The following UTP4 variants were observed in gnomAD, a reference collection of about 807,000 sequenced individuals.
UTP4 encodes UTP4 small subunit processome component.
In UTP4, 45 loss-of-function variants were observed where a neutral mutation model predicts 82.4. That is an observed-to-expected ratio of 0.55 (90% confidence interval 0.43 to 0.70). UTP4 has a LOEUF of 0.70. Among genes scored for constraint, UTP4 ranks in the 30% least tolerant of loss-of-function variants. The pLI, the probability that UTP4 is intolerant of heterozygous loss-of-function variation, is 0.00. For synonymous variants in UTP4, 348 were observed against 300.3 expected, an observed-to-expected ratio of 1.16 and a Z score of -1.64; for missense variants, 819 against 858.3, an observed-to-expected ratio of 0.95 and a Z score of 0.57.
chr16:69,149,505 C>T (rs895044474), intron 6 of UTP4, among the ~76,000 whole-genome samples: 1 of 151,958 alleles, frequency 6.6e-6, no homozygotes, highest in African/African-American at 2.4e-5. Flanking sequence ...GAGCCGAGAT[C>T]ATGCCACTGC....
intron 5 of UTP4, among the ~76,000 whole-genome samples, chr16:69,140,914 A>T (rs1962942718): frequency 6.6e-6 from 1 of 152,098 alleles, no homozygotes; most frequent in Non-Finnish European, 1.5e-5. Context: ...CTTCCTCCCG[A>T]TCCTCCCAGT....
At position 69,150,834 on chromosome 16, in the gene UTP4, T is replaced by C. The variant is rs1013601476; in HGVS notation, c.932T>C (p.Phe311Ser). The C allele has an allele frequency of 2.5e-6, 4 of 1,614,020 alleles. No individual in the cohort carries two copies. The highest frequency in any genetic ancestry group is 3.4e-6 in the Non-Finnish European group (4 of 1,180,022). Reference sequence around the variant, plus strand: ...CCAGGCACTGACACCCACTTAGTCTTTCGTCCTCTCATGGAGAAGGTGGAA... The same window carrying C: ...CCAGGCACTGACACCCACTTAGTCTCTCGTCCTCTCATGGAGAAGGTGGAA... Reference protein sequence around the residue: ...ISGGTDTHLVFRPLMEKVEVK... With the variant: ...ISGGTDTHLVSRPLMEKVEVK... Residue 311 changes from phenylalanine to serine, a missense_variant, in exon 8 of 17, where the codon TTT becomes TCT. By Grantham distance (155) the Phe-to-Ser change is radical. Transcript: ENST00000314423.
intron 15 of UTP4, chr16:69,166,693 G>C: frequency 4.0e-6 from 1 of 247,264 alleles, no homozygotes; most frequent in East Asian, 1.1e-4. Context: ...TGTGGGCTGA[G>C]CTCCTGCACT....
intron 15 of UTP4, chr16:69,165,988 C>T (rs186955017): frequency 2.6e-5 from 7 of 268,504 alleles, no homozygotes; most frequent in Admixed American, 9.9e-5. Flanking sequence ...GCTACTAAAA[C>T]GCTGTCTGCA....
intron 10 of UTP4, 57 bp from the exon 11 acceptor site, chr16:69,155,814 T>A: frequency 6.2e-7 from 1 of 1,607,560 alleles, no homozygotes; most frequent in Non-Finnish European, 8.5e-7. Flanking sequence ...CATGTCCCAG[T>A]GCACCTTGTT....
At chr16:69,143,152 G>A in intron 5 of UTP4, 26 bp from the exon 6 acceptor site, 1 of 1,606,800 alleles carries the variant, frequency 6.2e-7, no homozygotes, top group South Asian at 1.1e-5. Context: ...AGTACCATTT[G>A]AAGGTGTGCT....
chr16:69,161,815 C>T (rs943471717), intron 13 of UTP4, among the ~76,000 whole-genome samples: 4 of 152,168 alleles, frequency 2.6e-5, no homozygotes, highest in African/African-American at 9.7e-5. Context: ...AGGCGAGTCC[C>T]ACCACACCTA....
intron 10 of UTP4, among the ~76,000 whole-genome samples, chr16:69,155,396 G>A (rs1385664157): frequency 6.6e-6 from 1 of 151,722 alleles, no homozygotes; most frequent in Non-Finnish European, 1.5e-5. Context: ...GAACTCCTGG[G>A]CTCAAGCAAT....
intron 8 of UTP4, among the ~76,000 whole-genome samples, chr16:69,151,283 A>G (rs1254181260): frequency 6.6e-6 from 1 of 150,654 alleles, no homozygotes; most frequent in Non-Finnish European, 1.5e-5. Flanking sequence ...CTGGTATTAC[A>G]AGTGTGAGCC....
intron 5 of UTP4, among the ~76,000 whole-genome samples, chr16:69,140,528 C>G (rs1471998759): frequency 6.6e-6 from 1 of 152,084 alleles, no homozygotes; most frequent in African/African-American, 2.4e-5. Flanking sequence ...CCAGCCTGAC[C>G]AACATGGAGA....
At position 69,135,824 on chromosome 16, in the gene UTP4, G is replaced by C. The variant is rs573300555; in HGVS notation, c.160-872G>C. Among the ~76,000 whole-genome samples the C allele has an allele frequency of 3.0e-4, 45 of 152,016 alleles. 1 individual carries two copies. Among genetic ancestry groups the C allele is most frequent in the Non-Finnish European group, 4.6e-4 (31 of 67,990 alleles). ...GCAGATCACCTGAGGTCGGGAATTCGAGACCAGCCTGACCAACATGGAGAA... is the reference window on the plus strand; with the variant it reads ...GCAGATCACCTGAGGTCGGGAATTCCAGACCAGCCTGACCAACATGGAGAA... On this transcript the variant is annotated intron_variant, in intron 2 of 16. Coordinates refer to ENST00000314423, the MANE Select transcript of UTP4 (RefSeq NM_032830.3).
chr16:69,161,509 C>T (rs184784684), intron 13 of UTP4, among the ~76,000 whole-genome samples: 2 of 152,324 alleles, frequency 1.3e-5, no homozygotes, highest in East Asian at 3.9e-4. Flanking sequence ...CATAAAAATC[C>T]ATGCCTAGGC....
intron 6 of UTP4, among the ~76,000 whole-genome samples, chr16:69,145,347 G>GT (rs1963080606): frequency 6.6e-6 from 1 of 151,756 alleles, no homozygotes; most frequent in African/African-American, 2.4e-5. Context: ...TACAACCTCT[G>GT]TCTCCTGGGT....
intron 6 of UTP4, among the ~76,000 whole-genome samples, chr16:69,149,999 A>G (rs1239327761): frequency 6.6e-6 from 1 of 152,166 alleles, no homozygotes; most frequent in Admixed American, 6.5e-5. Context: ...AAGTGCTGGG[A>G]TTATAGGAGT....
chr16:69,137,807 T>G lies in UTP4; in HGVS notation c.358T>G (p.Cys120Gly). ...SPSGSQLLVGCEDGSVKLFQI... is the reference protein window; with the variant it reads ...SPSGSQLLVGGEDGSVKLFQI... The stretch of plus-strand genomic sequence containing the variant: ...CTACCTCTTTCTCAAATAGGTTGGT[T>G]GTGAAGATGGATCTGTGAAACTATT... Residue 120 changes from cysteine (C) to glycine (G), a missense_variant, in exon 4 of 17, where the codon TGT becomes GGT. Coordinates refer to ENST00000314423, the MANE Select transcript of UTP4 (RefSeq NM_032830.3). 1 of 1,605,936 alleles carries G rather than the reference T, an allele frequency of 6.2e-7. No homozygotes were observed. Among genetic ancestry groups the G allele is most frequent in the Non-Finnish European group, 8.5e-7 (1 of 1,172,578 alleles).
intron 16 of UTP4, chr16:69,167,637 AC>A: frequency 1.8e-5 from 3 of 166,034 alleles, no homozygotes; most frequent in South Asian, 1.6e-4. Flanking sequence ...ATCACTATTA[AC>A]AAAAAAAAAA....
chr16:69,146,596 C>A (rs951640567), intron 6 of UTP4, among the ~76,000 whole-genome samples: 4 of 152,178 alleles, frequency 2.6e-5, no homozygotes, highest in Admixed American at 6.5e-5. Context: ...TGCGGTGGCT[C>A]ACGCCTGTAA....
At chr16:69,147,001 C>CAAAA (rs71148965) in intron 6 of UTP4, among the ~76,000 whole-genome samples, 3 of 85,780 alleles carry the variant, frequency 3.5e-5, no homozygotes, top group Non-Finnish European at 7.0e-5. Flanking sequence ...GACTCTGCCT[C>CAAAA]AAAAAAAAAA....
chr16:69,143,950 C>T (rs777561627), intron 6 of UTP4, among the ~76,000 whole-genome samples: 1 of 151,956 alleles, frequency 6.6e-6, no homozygotes, highest in Non-Finnish European at 1.5e-5. Context: ...TGCAATGGCG[C>T]GATCTAGGCT....
Sources: gnomAD v4.1 joint callset for allele counts (sites outside exome capture counted in the v4.1 genomes callset) on GRCh38, gnomAD v4.1.1 for gene constraint, MANE v1.5 for transcripts, NCBI Gene and HGNC (gene_info 2026-07-23, HGNC 2026-07-21) for gene names.